The following SRP54 variants were observed in gnomAD, a reference collection of about 807,000 sequenced individuals.
The protein encoded by SRP54 is signal recognition particle subunit SRP54.
In SRP54, 10 loss-of-function variants were observed where a neutral mutation model predicts 64.8. The observed-to-expected ratio is 0.15, with a 90% CI of 0.10 to 0.26. The LOEUF (loss-of-function observed/expected upper bound fraction) is 0.26. Among genes scored for constraint, SRP54 ranks in the 10% least tolerant of loss-of-function variants. The pLI is 1.00. For missense variants in SRP54, 325 were observed against 613.7 expected (o/e 0.53, Z 4.97); for synonymous variants, 193 against 185.6 (o/e 1.04, Z -0.32).
chr14:35,027,450 T>G (rs148453097), intron 14 of SRP54, among the ~76,000 whole-genome samples: 1 of 152,206 alleles, frequency 6.6e-6, no homozygotes, highest in Non-Finnish European at 1.5e-5. Context: ...GCCGTTGTTA[T>G]AGCTTACTAT....
chr14:35,020,133 C>T (rs965468796), intron 13 of SRP54, among the ~76,000 whole-genome samples: 1 of 151,990 alleles, frequency 6.6e-6, no homozygotes, highest in African/African-American at 2.4e-5. Flanking sequence ...TGCAGTGAGC[C>T]GAGATTGTGT....
chr14:34,997,975 G>A (rs867041780), intron 2 of SRP54, among the ~76,000 whole-genome samples: 2 of 152,104 alleles, frequency 1.3e-5, no homozygotes, highest in East Asian at 1.9e-4. Flanking sequence ...GGAGTTCTTG[G>A]TGGGAGGTAG....
intron 1 of SRP54, among the ~76,000 whole-genome samples, chr14:34,994,907 A>G (rs2044041192): frequency 6.8e-6 from 1 of 148,082 alleles, no homozygotes; most frequent in African/African-American, 2.5e-5. Flanking sequence ...CTGGGACTAC[A>G]GGCACATGCC....
At chr14:35,005,666 C>T (rs577895681) in intron 4 of SRP54, among the ~76,000 whole-genome samples, 38 of 152,134 alleles carry the variant, frequency 2.5e-4, no homozygotes, top group Non-Finnish European at 4.9e-4. Flanking sequence ...GCTGAAAGGG[C>T]CGGGATTATA....
chr14:35,001,033 G>T lies in SRP54; in HGVS notation c.255+13G>T. On this transcript the variant is annotated intron_variant, in intron 4 of 15. Transcript: ENST00000216774. ...AGAACTTGTGAAGGTAAAAGTATAT[G>T]AAGATTATGCTGTGATTCTATACTC... 1 of 1,448,358 alleles carries T rather than the reference G, an allele frequency of 6.9e-7. No homozygotes were observed. The highest frequency in any genetic ancestry group is 1.2e-5 in the South Asian group (1 of 80,814). 89.7% of individuals were successfully genotyped at this position (1,448,358 alleles called of 1,614,324 possible).
At chr14:35,027,853 A>T in intron 14 of SRP54, 1 of 298,674 alleles carries the variant, frequency 3.3e-6, no homozygotes, top group African/African-American at 2.2e-5. Flanking sequence ...GCCTTAAAAA[A>T]GCCTTTTATA....
At position 34,996,668 on chromosome 14, in the gene SRP54, C is replaced by A; in HGVS notation, c.-33-9C>A. 7.3e-7 allele frequency: 1 copy of A among 1,363,632 alleles called. No homozygotes were observed. The highest frequency in any genetic ancestry group is 1.0e-6 in the Non-Finnish European group (1 of 953,622). The allele number at this position is 1,363,632 out of a possible 1,614,324, so 84.5% of individuals were successfully genotyped here. A position where few individuals can be genotyped will look rare whatever the true frequency, so the allele number is the denominator to read the frequency against. ...TGATTATTCTCACTTAATTTTTTTTCTGCTGTAGAGTTCTTCGTAAGTACA... is the reference window on the plus strand; with the variant it reads ...TGATTATTCTCACTTAATTTTTTTTATGCTGTAGAGTTCTTCGTAAGTACA... On this transcript the variant is annotated splice_polypyrimidine_tract_variant and intron_variant, in intron 1 of 15. Coordinates refer to ENST00000216774, the MANE Select transcript of SRP54 (RefSeq NM_003136.4).
chr14:35,014,871 C>T, intron 11 of SRP54, 41 bp downstream of exon 11: 1 of 1,472,694 alleles, frequency 6.8e-7, no homozygotes, highest in Non-Finnish European at 9.4e-7. Flanking sequence ...CAGATTTCTT[C>T]CATTGATTTT....
intron 15 of SRP54, 100 bp downstream of exon 15, chr14:35,028,283 A>G (rs974726974): frequency 1.4e-6 from 1 of 712,964 alleles, no homozygotes; most frequent in Non-Finnish European, 2.3e-6. Flanking sequence ...AATATGTTCA[A>G]AAGGTGTGTG....
chr14:34,989,368 G>A (rs768911520), intron 1 of SRP54, among the ~76,000 whole-genome samples: 2 of 152,036 alleles, frequency 1.3e-5, no homozygotes, highest in Non-Finnish European at 2.9e-5. Flanking sequence ...TTACCTGGGC[G>A]TGGTGGTGGG....
At chr14:35,019,275 A>G in intron 13 of SRP54, 1 of 432,748 alleles carries the variant, frequency 2.3e-6, no homozygotes, top group South Asian at 2.9e-5. Context: ...AATGTCTAGT[A>G]TAATACTTCT....
intron 13 of SRP54, among the ~76,000 whole-genome samples, chr14:35,022,262 A>G (rs1298630693): frequency 1.3e-5 from 2 of 152,098 alleles, no homozygotes; most frequent in African/African-American, 4.8e-5. Flanking sequence ...GAAACATTCT[A>G]TTAATAGTTT....
At chr14:34,997,343 C>T (rs1027051847) in intron 2 of SRP54, among the ~76,000 whole-genome samples, 7 of 152,050 alleles carry the variant, frequency 4.6e-5, no homozygotes, top group Admixed American at 1.3e-4. Flanking sequence ...TTCTTTGTTC[C>T]ATTTGTCCCC....
At position 35,011,652 on chromosome 14, in the gene SRP54, A is replaced by G. The variant is rs374247114; in HGVS notation, c.629A>G (p.Asn210Ser). The G allele has an allele frequency of 2.6e-6, 4 of 1,556,370 alleles. No homozygotes were observed. In the African/African-American group the frequency reaches 5.4e-5, roughly 21 times the overall value. Reference sequence around the variant, plus strand: ...TTTGAAGAAATGCTTCAAGTTGCTAATGCTATAGTAAGTAGCTTTCAATGT... The same window carrying G: ...TTTGAAGAAATGCTTCAAGTTGCTAGTGCTATAGTAAGTAGCTTTCAATGT... ...SLFEEMLQVA[N>S]AIQPDNIVYV... The change falls in exon 8 of 16, where the codon AAT (asparagine) becomes AGT (serine). Residue 210 changes from asparagine (N) to serine (S), a missense_variant. Asn to Ser is a conservative substitution (Grantham distance 46). Coordinates refer to ENST00000216774, the MANE Select transcript of SRP54 (RefSeq NM_003136.4).
rs998947100 is a variant in SRP54 at position 35,021,138 on chromosome 14, T to C, written c.1157-1772T>C. ...ACTTTATTTTGAGATATTGTATCTTTGTTAGTATTGCATTGATAATTAGAC... is the reference window on the plus strand; with the variant it reads ...ACTTTATTTTGAGATATTGTATCTTCGTTAGTATTGCATTGATAATTAGAC... On this transcript the variant is annotated intron_variant, in intron 13 of 15. Coordinates refer to ENST00000216774, the MANE Select transcript of SRP54 (RefSeq NM_003136.4). Among the ~76,000 whole-genome samples the C allele has an allele frequency of 1.3e-5, 2 of 152,206 alleles. 1 individual carries two copies. The highest frequency in any genetic ancestry group is 4.1e-4 in the South Asian group (2 of 4,838).
At position 34,995,251 on chromosome 14, in the gene SRP54, C is replaced by T. The variant is rs982734489; in HGVS notation, c.-33-1426C>T. ...TTTATTATAAGGAATTGGCTCAGGC[C>T]GTTATGGAGACTTAAGTTTCAAGAT... On this transcript the variant is annotated intron_variant, in intron 1 of 15. Coordinates refer to ENST00000216774, the MANE Select transcript of SRP54 (RefSeq NM_003136.4). 4.7e-5 allele frequency among the ~76,000 whole-genome samples: 7 copies of T among 149,056 alleles called. No individual in the cohort carries two copies. The East Asian group carries it at 6.0e-4, about 13-fold the overall frequency.
At chr14:35,005,667 C>T (rs1184587332) in intron 4 of SRP54, among the ~76,000 whole-genome samples, 3 of 152,000 alleles carry the variant, frequency 2.0e-5, no homozygotes, top group Admixed American at 6.6e-5. Flanking sequence ...CTGAAAGGGC[C>T]GGGATTATAG....
At chr14:34,990,969 A>G (rs1037745964) in intron 1 of SRP54, among the ~76,000 whole-genome samples, 2 of 152,184 alleles carry the variant, frequency 1.3e-5, no homozygotes, top group African/African-American at 4.8e-5. Flanking sequence ...AAGGCCTTAA[A>G]TACATCATTT....
chr14:35,013,292 C>A, intron 8 of SRP54, 54 bp from the exon 9 acceptor site: 2 of 1,508,524 alleles, frequency 1.3e-6, no homozygotes, highest in Non-Finnish European at 1.8e-6. Flanking sequence ...ATGACATTTG[C>A]TTAGGATCAA....
Sources: allele counts gnomAD v4.1 joint callset (sites outside exome capture counted in the v4.1 genomes callset), GRCh38; gene constraint gnomAD v4.1.1; transcripts MANE v1.5; gene names NCBI Gene and HGNC (gene_info 2026-07-23, HGNC 2026-07-21).